The following PLCB2 variants were observed in gnomAD, a reference collection of about 807,000 sequenced individuals.
The protein encoded by PLCB2 is 1-phosphatidylinositol 4,5-bisphosphate phosphodiesterase beta-2.
In PLCB2, 115 loss-of-function variants were observed where a neutral mutation model predicts 141.7. The ratio of observed to expected loss-of-function variants is 0.81; its 90% CI spans 0.70 to 0.95. The LOEUF (loss-of-function observed/expected upper bound fraction) is 0.95. Among genes scored for constraint, PLCB2 ranks in the 40% least tolerant of loss-of-function variants. The probability of loss-of-function intolerance (pLI) is 0.00; values close to 1 mark genes in which losing one functional copy is unlikely to be tolerated. For synonymous variants in PLCB2, 603 were observed against 595.6 expected (o/e 1.01, Z -0.18); for missense variants, 1,403 against 1,541.1 (o/e 0.91, Z 1.50).
chr15:40,303,662 C>G lies in PLCB2; in HGVS notation c.163-306G>C, dbSNP rs934341114. Among the ~76,000 whole-genome samples, 16 of 152,316 alleles carry G rather than the reference C, an allele frequency of 1.1e-4. 3 individuals carry two copies. Among genetic ancestry groups the G allele is most frequent in the Admixed American group, 9.8e-4 (15 of 15,304 alleles). On this transcript the variant is annotated intron_variant, in intron 2 of 31. Transcript: ENST00000260402. Reference sequence around the variant, plus strand: ...CTTCCCAGCTTCCCCTTCCCGTCCTCCTGCCCAGAGGCTGGGGCCTATCTC... The same window carrying G: ...CTTCCCAGCTTCCCCTTCCCGTCCTGCTGCCCAGAGGCTGGGGCCTATCTC...
At position 40,288,759 on chromosome 15, in the gene PLCB2, C is replaced by T. The variant is rs748566293; in HGVS notation, c.3514G>A (p.Asp1172Asn). ...GCATCTGCCTTTGCTATGAGTGGGT[C>T]CTGCTCACACAGCTCTGGGGGGCAC... ...CECPPELCEQ[D>N]PLIAKADAQE... The change falls in exon 32 of 32, where the codon GAC (aspartate) becomes AAC (asparagine). Residue 1172 changes from aspartate to asparagine, a missense_variant. Asp to Asn is a conservative substitution (Grantham distance 23). This residue lies in a region of PLCB2 where 132 missense variants were observed against 132.4 expected (regional missense o/e 1.00). Coordinates refer to ENST00000260402, the MANE Select transcript of PLCB2 (RefSeq NM_004573.3). 6.2e-7 allele frequency: 1 copy of T among 1,611,974 alleles called. No individual in the cohort carries two copies. Among genetic ancestry groups the T allele is most frequent in the East Asian group, 2.2e-5 (1 of 44,796 alleles).
chr15:40,291,615 CT>C lies in PLCB2; in HGVS notation c.2637del (p.Glu880LysfsTer16). 6.2e-7 allele frequency: 1 copy of C among 1,613,492 alleles called. No individual in the cohort carries two copies. The highest frequency in any genetic ancestry group is 2.2e-5 in the East Asian group (1 of 44,868). On this transcript the variant is annotated frameshift_variant, in exon 25 of 32. Coordinates refer to ENST00000260402, the MANE Select transcript of PLCB2 (RefSeq NM_004573.3). LOFTEE classifies it high-confidence loss of function. ...ARAGAREEAMKEAAEPRTASL... is the reference protein window; with the variant it reads ...ARAGAREEAMXEAAEPRTASL... Reference sequence around the variant, plus strand: ...GCTCAGCAGGCCTTACCCGCAGCTTCTTTCATAGCCTCTTCCCTGGCCCCGG... The same window carrying C: ...GCTCAGCAGGCCTTACCCGCAGCTTCTTCATAGCCTCTTCCCTGGCCCCGG...
intron 2 of PLCB2, chr15:40,303,748 A>C (rs2040646534): frequency 9.6e-6 from 5 of 518,438 alleles, no homozygotes; most frequent in African/African-American, 9.5e-5. Context: ...CTTCAGCAGC[A>C]GTGCTTTCGC....
chr15:40,292,620 C>T (rs1212277178), intron 21 of PLCB2, among the ~76,000 whole-genome samples, 177 bp from the exon 22 acceptor site: 2 of 152,206 alleles, frequency 1.3e-5, no homozygotes, highest in Non-Finnish European at 2.9e-5. Context: ...GGATGAGTGT[C>T]TACTCATGTG....
intron 1 of PLCB2, among the ~76,000 whole-genome samples, chr15:40,307,064 G>C (rs897161925): frequency 2.6e-5 from 4 of 152,226 alleles, no homozygotes; most frequent in African/African-American, 9.6e-5. Context: ...TTCCCTGGGA[G>C]CAGAAGCCTC....
chr15:40,289,939 GA>G, intron 30 of PLCB2, 85 bp downstream of exon 30: 1 of 74,274 alleles, frequency 1.3e-5, no homozygotes, highest in Non-Finnish European at 3.4e-5. Context: ...GAGAGAGAGA[GA>G]GAGAGAGAGA....
In PLCB2 at chr15:40,302,265, C is replaced by T. The variant is rs776918385; in HGVS notation, c.452+5G>A. ...CAGGGCTCAGGCCAGGCAGAGGGCA[C>T]TTACATCTTGTCCAGGAAGGTGCTG... On this transcript the variant is annotated splice_donor_5th_base_variant and intron_variant, in intron 5 of 31. Coordinates refer to ENST00000260402, the MANE Select transcript of PLCB2 (RefSeq NM_004573.3). 6.2e-7 allele frequency: 1 copy of T among 1,614,204 alleles called. No individual in the cohort carries two copies. Among genetic ancestry groups the T allele is most frequent in the East Asian group, 2.2e-5 (1 of 44,884 alleles).
rs751975041 is a variant in PLCB2, at chr15:40,302,290, G to A, written c.432C>T (p.Arg144=). The A allele has an allele frequency of 3.7e-5, 60 of 1,614,072 alleles. No individual in the cohort carries two copies. Among genetic ancestry groups the A allele is most frequent in the Non-Finnish European group, 4.7e-5 (56 of 1,180,036 alleles). The change falls in exon 5 of 32, where the codon CGC becomes CGT. Residue 144 remains arginine, a synonymous_variant. Transcript: ENST00000260402. ...CTTACATCTTGTCCAGGAAGGTGCT[G>A]CGGGAGGCGTTGGCCGTCAGCGGAT... ...VKHPLTANAS[R]STFLDKILVK...
At chr15:40,288,970 C>T (rs1156566526) in intron 31 of PLCB2, 52 bp from the exon 32 acceptor site, 2 of 1,594,884 alleles carry the variant, frequency 1.3e-6, no homozygotes, top group Non-Finnish European at 8.5e-7. Context: ...CTGCTGGCCA[C>T]CCTCGCTCCC....
rs1464937419 is a variant in PLCB2 at position 40,291,851 on chromosome 15, G to A, written c.2600C>T (p.Pro867Leu). The A allele has an allele frequency of 6.2e-7, 1 of 1,613,986 alleles. No homozygotes were observed. Reference protein sequence around the residue: ...GALAPTSNGSPAARAGAREEA... With the variant: ...GALAPTSNGSLAARAGAREEA... Reference sequence around the variant, plus strand: ...GGTGTGCGGACCGAAGCTCATACCTGGTGACCCATTGCTCGTTGGGGCCAA... The same window carrying A: ...GGTGTGCGGACCGAAGCTCATACCTAGTGACCCATTGCTCGTTGGGGCCAA... The change falls in exon 24 of 32, where the codon CCA becomes CTA. Residue 867 changes from proline to leucine, a missense_variant and splice_region_variant. By Grantham distance (98) the Pro-to-Leu change is moderately conservative (BLOSUM62 -3). Transcript: ENST00000260402.
chr15:40,298,765 C>T (rs779741093), intron 9 of PLCB2, 33 bp downstream of exon 9: 1 of 1,611,132 alleles, frequency 6.2e-7, no homozygotes, highest in South Asian at 1.1e-5. Context: ...CAGGACAGGA[C>T]CACAGGGGAC....
rs780553699 is a variant in PLCB2 at position 40,302,148 on chromosome 15, A to T, written c.494T>A (p.Ile165Asn). ...TTGGGGGGCTCACTTCTTCACCGGA[A>T]TCTTCCCTTCAGAGTTGAGCTGCAT... is the stretch of plus-strand genomic sequence containing the variant. ...LKMQLNSEGK[I>N]PVKNFFQMFP... is the part of the protein sequence containing the mutation. Residue 165 changes from isoleucine to asparagine, a missense_variant, in exon 6 of 32, where the codon ATT becomes AAT. By Grantham distance (149) the Ile-to-Asn change is moderately radical (BLOSUM62 -3). Around this residue, in one of 4 missense-constraint regions of PLCB2, gnomAD observed 975 missense variants for 1,141.1 expected, o/e 0.85. Transcript: ENST00000260402. The T allele has an allele frequency of 2.5e-6, 4 of 1,611,248 alleles. No homozygotes were observed. Among genetic ancestry groups the T allele is most frequent in the Non-Finnish European group, 3.4e-6 (4 of 1,178,138 alleles).
At chr15:40,295,825 G>A (rs1432187728) in intron 16 of PLCB2, among the ~76,000 whole-genome samples, 1 of 152,160 alleles carries the variant, frequency 6.6e-6, no homozygotes, top group African/African-American at 2.4e-5. Flanking sequence ...TCGTGCATGG[G>A]ACATGCAGAG....
chr15:40,298,800 C>T lies in PLCB2; in HGVS notation c.848G>A (p.Arg283Lys), dbSNP rs1484457620. Residue 283 changes from arginine to lysine, a missense_variant and splice_region_variant, in exon 9 of 32, where the codon AGG becomes AAG. Transcript: ENST00000260402. Reference sequence around the variant, plus strand: ...CAAGGGGTTCCCTTAGTCCTCACCCCTCTGTGCATTGATGCCACTGGGCTC... The same window carrying T: ...CAAGGGGTTCCCTTAGTCCTCACCCTTCTGTGCATTGATGCCACTGGGCTC... ...KYEPSGINAQ[R>K]GQLSPEGMVW... 4 of 1,612,864 alleles carry T rather than the reference C, an allele frequency of 2.5e-6. No individual in the cohort carries two copies. The highest frequency in any genetic ancestry group is 1.3e-5 in the African/African-American group (1 of 74,934).
At chr15:40,307,211 G>A (rs1285548971) in intron 1 of PLCB2, among the ~76,000 whole-genome samples, 1 of 152,152 alleles carries the variant, frequency 6.6e-6, no homozygotes, top group Non-Finnish European at 1.5e-5. Flanking sequence ...CGGAGCAAGG[G>A]CAAGACATCT....
chr15:40,297,818 T>C lies in PLCB2; in HGVS notation c.1238+59A>G. ...GCTGGGGCAGTTGTGGGGAGGACAG[T>C]TGCAGACAGGAGACTGGGGGCTGGG... On this transcript the variant is annotated intron_variant, in intron 12 of 31. Transcript: ENST00000260402. This position sits in a 1 kb window ranked among gnomAD's most constrained non-coding sequence, Gnocchi z 4.2. 2.2e-6 allele frequency: 3 copies of C among 1,354,316 alleles called. No homozygotes were observed. The highest frequency in any genetic ancestry group is 3.2e-6 in the Non-Finnish European group (3 of 946,892). The allele number at this position is 1,354,316 out of a possible 1,614,324, so 83.9% of individuals were successfully genotyped here.
intron 1 of PLCB2, among the ~76,000 whole-genome samples, chr15:40,306,943 CAG>C (rs928323587): frequency 6.6e-6 from 1 of 152,254 alleles, no homozygotes; most frequent in Non-Finnish European, 1.5e-5. Context: ...ACAGACACAG[CAG>C]AGAGAGGGCT....
In PLCB2 at chr15:40,289,108, G is replaced by A. The variant is rs576652867; in HGVS notation, c.3354+164C>T. The A allele has an allele frequency of 1.6e-4, 164 of 1,018,502 alleles. 1 individual carries two copies. In the East Asian group the frequency reaches 2.0e-3, roughly 13 times the overall value. 63.1% of individuals were successfully genotyped at this position (1,018,502 alleles called of 1,614,324 possible). A position where few individuals can be genotyped will look rare whatever the true frequency, so the allele number is the denominator to read the frequency against. On this transcript the variant is annotated intron_variant, in intron 31 of 31. Transcript: ENST00000260402. Reference sequence around the variant, plus strand: ...TCAGGAAAGGGGATCCTAACCAGGCGGAGATCTGCAGAGCTGCCTCATTTG... The same window carrying A: ...TCAGGAAAGGGGATCCTAACCAGGCAGAGATCTGCAGAGCTGCCTCATTTG...
At chr15:40,294,838 C>T in intron 18 of PLCB2, 98 bp downstream of exon 18, 2 of 1,478,488 alleles carry the variant, frequency 1.4e-6, no homozygotes, top group Non-Finnish European at 1.9e-6. Flanking sequence ...ACACTAACAG[C>T]AGGACTCCCC....
Sources: gnomAD v4.1 joint callset for allele counts (sites outside exome capture counted in the v4.1 genomes callset) on GRCh38, gnomAD v4.1.1 for gene constraint, gnomAD v4.1.1 regional missense constraint, Gnocchi (gnomAD v3.1) non-coding constraint, MANE v1.5 for transcripts, NCBI Gene and HGNC (gene_info 2026-07-23, HGNC 2026-07-21) for gene names.